Variants in RBBP5 observed in about 807,000 individuals in gnomAD.
RBBP5 encodes the protein retinoblastoma-binding protein 5.
Under a neutral mutation model 72.2 loss-of-function variants are expected in RBBP5, and 5 were observed. The ratio of observed to expected loss-of-function variants is 0.07; its 90% CI spans 0.04 to 0.15. The LOEUF is 0.15. Ranked by LOEUF, RBBP5 falls within the 10% of genes least tolerant of loss-of-function variation. The pLI, the probability that RBBP5 is intolerant of heterozygous loss-of-function variation, is 1.00. For synonymous variants in RBBP5, 209 were observed against 237.2 expected (o/e 0.88, Z 1.09); for missense variants, 322 against 652.2 (o/e 0.49, Z 5.51).
rs1001547255 is a variant in RBBP5 at position 205,099,654 on chromosome 1, A to G, written c.978+87T>C. ...AGAATCATATGCAAAAGAAAATAAA[A>G]ATGTAATTTTTAGCTTCCTATGTAT... On this transcript the variant is annotated intron_variant, in intron 9 of 13. Coordinates refer to ENST00000264515, the MANE Select transcript of RBBP5 (RefSeq NM_005057.4). This position sits in a 1 kb window ranked among gnomAD's most constrained non-coding sequence, Gnocchi z 4.7. The G allele has an allele frequency of 2.0e-5, 27 of 1,339,452 alleles. No individual in the cohort carries two copies. The highest frequency in any genetic ancestry group is 2.6e-5 in the Non-Finnish European group (25 of 963,842). 83.0% of individuals were successfully genotyped at this position (1,339,452 alleles called of 1,614,324 possible). A position where few individuals can be genotyped will look rare whatever the true frequency, so the allele number is the denominator to read the frequency against.
Position 205,094,880 on chromosome 1 carries a change from G to A in RBBP5, c.1581C>T (p.Pro527=), listed in dbSNP as rs1356880521. Residue 527 remains proline (P), a synonymous_variant, in exon 13 of 14, where the codon CCC becomes CCT. Coordinates refer to ENST00000264515, the MANE Select transcript of RBBP5 (RefSeq NM_005057.4). Reference sequence around the variant, plus strand: ...CTCCCAATGTGTCCTTACCTGTCAAGGGCTGGCTGAGTTCCGCCTGCACTT... The same window carrying A: ...CTCCCAATGTGTCCTTACCTGTCAAAGGCTGGCTGAGTTCCGCCTGCACTT... The part of the protein sequence containing the change: ...KGKVQAELSQ[P]LTAGGAISEL... 6.2e-7 allele frequency: 1 copy of A among 1,613,546 alleles called. No individual in the cohort carries two copies. The highest frequency in any genetic ancestry group is 8.5e-7 in the Non-Finnish European group (1 of 1,179,652).
intron 3 of RBBP5, among the ~76,000 whole-genome samples, chr1:205,112,128 G>T (rs1371217078): frequency 6.6e-6 from 1 of 152,098 alleles, no homozygotes; most frequent in Non-Finnish European, 1.5e-5. Flanking sequence ...GACCAGCCTG[G>T]CCAACATGGC....
chr1:205,095,914 C>T (rs183397342), intron 12 of RBBP5, among the ~76,000 whole-genome samples: 6 of 152,164 alleles, frequency 3.9e-5, no homozygotes, highest in Admixed American at 2.0e-4. Flanking sequence ...GAGGAAGGGC[C>T]GGGCGCAGTG....
intron 1 of RBBP5, among the ~76,000 whole-genome samples, chr1:205,117,147 G>C (rs1656558682): frequency 6.6e-6 from 1 of 152,024 alleles, no homozygotes; most frequent in South Asian, 2.1e-4. Flanking sequence ...TGCTTCCCAA[G>C]TTCAAGCGCT....
Position 205,088,678 on chromosome 1 carries a change from G to A in RBBP5, c.*109C>T. The A allele has an allele frequency of 8.7e-7, 1 of 1,143,768 alleles. No individual in the cohort carries two copies. The highest frequency in any genetic ancestry group is 1.3e-6 in the Non-Finnish European group (1 of 794,486). 70.9% of individuals were successfully genotyped at this position (1,143,768 alleles called of 1,614,324 possible). On this transcript the variant is annotated 3_prime_UTR_variant, in exon 14 of 14. Coordinates refer to ENST00000264515, the MANE Select transcript of RBBP5 (RefSeq NM_005057.4). ...ATTCACCCTCCCACCTCCTGGGTGG[G>A]AGGCACAGGCCTTTGTTTTAAATTA...
At chr1:205,094,834 C>G (rs190959952) in intron 13 of RBBP5, 39 bp downstream of exon 13, 25 of 1,570,170 alleles carry the variant, frequency 1.6e-5, no homozygotes, top group Non-Finnish European at 2.2e-5. Context: ...AAAGCAAGGC[C>G]ACGAAGCAAG....
At chr1:205,109,967 T>C (rs1156233430) in intron 3 of RBBP5, among the ~76,000 whole-genome samples, 1 of 152,050 alleles carries the variant, frequency 6.6e-6, no homozygotes, top group Non-Finnish European at 1.5e-5. Flanking sequence ...GGAGCTCCTC[T>C]CTACTTGGAG....
At chr1:205,115,372 C>A (rs1198096572) in intron 2 of RBBP5, among the ~76,000 whole-genome samples, 1 of 151,774 alleles carries the variant, frequency 6.6e-6, no homozygotes. Flanking sequence ...AAAAGAAAAA[C>A]CCTGGAATAG....
At chr1:205,114,592 T>C (rs1353809765) in intron 3 of RBBP5, among the ~76,000 whole-genome samples, 197 bp downstream of exon 3, 1 of 152,144 alleles carries the variant, frequency 6.6e-6, no homozygotes. Context: ...TACAGATCCA[T>C]AATACAATGA....
intron 6 of RBBP5, 96 bp downstream of exon 6, chr1:205,101,504 C>CT: frequency 1.2e-6 from 1 of 803,096 alleles, no homozygotes; most frequent in Non-Finnish European, 1.9e-6. Context: ...TTAAAAAATG[C>CT]TTAAGTATAA....
intron 1 of RBBP5, among the ~76,000 whole-genome samples, chr1:205,117,044 G>T (rs1235278116): frequency 6.6e-6 from 1 of 151,722 alleles, no homozygotes; most frequent in Admixed American, 6.6e-5. Context: ...CGACCGGCCT[G>T]GTTTTTTTTG....
At chr1:205,100,595 C>G (rs979320471) in intron 6 of RBBP5, among the ~76,000 whole-genome samples, 5 of 152,110 alleles carry the variant, frequency 3.3e-5, no homozygotes, top group African/African-American at 1.2e-4. Context: ...CTGTTTTACA[C>G]ATAATATATA....
Position 205,096,856 on chromosome 1 carries a change from C to T in RBBP5, c.1222G>A (p.Val408Ile). Residue 408 changes from valine (V) to isoleucine (I), a missense_variant, in exon 12 of 14, where the codon GTA (valine) becomes ATA (isoleucine). Coordinates refer to ENST00000264515, the MANE Select transcript of RBBP5 (RefSeq NM_005057.4). ...TAAGGATTTTCTTCTGGGTCTTCTA[C>T]CTCAGGGGCAATGGGTAAATACAAT... ...ALLYLPIAPE[V>I]EDPEENPYGP... 1.9e-6 allele frequency: 3 copies of T among 1,613,970 alleles called. No individual in the cohort carries two copies. Among genetic ancestry groups the T allele is most frequent in the Non-Finnish European group, 2.5e-6 (3 of 1,179,934 alleles).
Position 205,105,138 on chromosome 1 carries a change from A to G in RBBP5, c.249T>C (p.Ser83=). 1 of 1,613,308 alleles carries G rather than the reference A, an allele frequency of 6.2e-7. No homozygotes were observed. Among genetic ancestry groups the G allele is most frequent in the South Asian group, 1.1e-5 (1 of 91,082 alleles). Residue 83 remains serine (S), a synonymous_variant, in exon 4 of 14, where the codon AGT becomes AGC. Coordinates refer to ENST00000264515, the MANE Select transcript of RBBP5 (RefSeq NM_005057.4). The part of the protein sequence containing the change: ...CWSRDGHKLV[S]ASTDNIVSQW... ...GTGACACTATGTTATCAGTGGAAGC[A>G]CTCACGAGTTTATGACCATCTCGGC...
intron 3 of RBBP5, among the ~76,000 whole-genome samples, chr1:205,106,208 C>G (rs988331190): frequency 2.0e-5 from 3 of 152,216 alleles, no homozygotes; most frequent in Admixed American, 6.5e-5. Flanking sequence ...TAAGAAGAAA[C>G]CTGGACTTTC....
intron 1 of RBBP5, among the ~76,000 whole-genome samples, chr1:205,116,915 G>A (rs561732165): frequency 1.3e-5 from 2 of 152,264 alleles, no homozygotes; most frequent in African/African-American, 2.4e-5. Context: ...CAAAAGCAGC[G>A]ATCACACCCC....
In RBBP5 at chr1:205,094,933, A is replaced by C. The variant is rs1248755476; in HGVS notation, c.1528T>G (p.Leu510Val). ...CCCTTCGCTGATCCTTCCAGAGGTA[A>C]ACCTCTGTCCCCTTTGTAGAGTTTC... Reference protein sequence around the residue: ...KPKLYKGDRGLPLEGSAKGKV... With the variant: ...KPKLYKGDRGVPLEGSAKGKV... Residue 510 changes from leucine to valine, a missense_variant, in exon 13 of 14, where the codon TTA (leucine) becomes GTA (valine). Transcript: ENST00000264515. 2 of 1,614,136 alleles carry C rather than the reference A, an allele frequency of 1.2e-6. No individual in the cohort carries two copies. Among genetic ancestry groups the C allele is most frequent in the Non-Finnish European group, 8.5e-7 (1 of 1,180,028 alleles).
At chr1:205,114,076 G>T (rs1656428833) in intron 3 of RBBP5, among the ~76,000 whole-genome samples, 1 of 152,214 alleles carries the variant, frequency 6.6e-6, no homozygotes, top group Non-Finnish European at 1.5e-5. Context: ...GTGCTTCCTG[G>T]ATTATTGGAT....
intron 6 of RBBP5, among the ~76,000 whole-genome samples, chr1:205,100,928 GTAC>G (rs1261085856): frequency 1.3e-5 from 2 of 152,162 alleles, no homozygotes; most frequent in Non-Finnish European, 2.9e-5. Context: ...CATAAGGAGT[GTAC>G]AACCTAGATC....
Sources: gnomAD v4.1 joint callset for allele counts (sites outside exome capture counted in the v4.1 genomes callset) on GRCh38, gnomAD v4.1.1 for gene constraint, Gnocchi (gnomAD v3.1) non-coding constraint, MANE v1.5 for transcripts, NCBI Gene and HGNC (gene_info 2026-07-23, HGNC 2026-07-21) for gene names.